Variants in ARFGEF3 observed in about 807,000 individuals in gnomAD.
ARFGEF3 encodes brefeldin A-inhibited guanine nucleotide-exchange protein 3.
In ARFGEF3, 96 loss-of-function variants were observed where a neutral mutation model predicts 221.7. The ratio of observed to expected loss-of-function variants is 0.43; its 90% CI spans 0.37 to 0.51. The LOEUF is 0.51. Ranked by LOEUF, ARFGEF3 falls within the 20% of genes least tolerant of loss-of-function variation. The probability of loss-of-function intolerance (pLI) is 0.00; values close to 1 mark genes in which losing one functional copy is unlikely to be tolerated. For missense variants in ARFGEF3, 2,410 were observed against 2,789.9 expected, an observed-to-expected ratio of 0.86 and a Z score of 3.07; for synonymous variants, 1,145 against 1,126.8, an observed-to-expected ratio of 1.02 and a Z score of -0.32.
intron 9 of ARFGEF3, among the ~76,000 whole-genome samples, chr6:138,254,901 A>G (rs562671674): frequency 1.3e-5 from 2 of 152,278 alleles, no homozygotes; most frequent in Non-Finnish European, 2.9e-5. Context: ...TTCAAAAAGC[A>G]TGTAACTTAT....
intron 4 of ARFGEF3, chr6:138,218,031 C>T (rs754979359): frequency 2.5e-6 from 4 of 1,611,322 alleles, no homozygotes; most frequent in Non-Finnish European, 3.4e-6. Context: ...GTAGAGAAGA[C>T]AGCATTCCAG....
intron 5 of ARFGEF3, among the ~76,000 whole-genome samples, chr6:138,233,339 T>C (rs1373201334): frequency 6.6e-6 from 1 of 151,876 alleles, no homozygotes; most frequent in African/African-American, 2.4e-5. Context: ...ATTTTTTAGA[T>C]TGGGCTGGTT....
intron 27 of ARFGEF3, among the ~76,000 whole-genome samples, chr6:138,318,004 A>T (rs909759949): frequency 2.6e-5 from 4 of 152,200 alleles, no homozygotes; most frequent in Non-Finnish European, 5.9e-5. Flanking sequence ...CTCAAGATCA[A>T]AGAAACTTTT....
chr6:138,192,943 A>G (rs1212697120), intron 2 of ARFGEF3, among the ~76,000 whole-genome samples: 2 of 152,064 alleles, frequency 1.3e-5, no homozygotes, highest in African/African-American at 4.8e-5. Context: ...TTTTCTATCC[A>G]TTTGCTACAT....
In ARFGEF3 at chr6:138,334,534, T is replaced by C. The variant is rs1780285552; in HGVS notation, c.5688T>C (p.Asp1896=). ...GCGTCCAGCCTGTCAGCAACGCAGA[T>C]TGGGTGTGGCTGGTCAAGAGGCTGC... The part of the protein sequence containing the change: ...LLSVQPVSNA[D]WVWLVKRLHK... Residue 1896 remains aspartate (D), a synonymous_variant, in exon 33 of 34, where the codon GAT becomes GAC. Coordinates refer to ENST00000251691, the MANE Select transcript of ARFGEF3 (RefSeq NM_020340.5). This position sits in a 1 kb window ranked among gnomAD's most constrained non-coding sequence, Gnocchi z 5.1. 9 of 1,611,718 alleles carry C rather than the reference T, an allele frequency of 5.6e-6. No individual in the cohort carries two copies. Among genetic ancestry groups the C allele is most frequent in the Middle Eastern group, 1.6e-4 (1 of 6,062 alleles).
At chr6:138,205,542 G>A (rs1334603020) in intron 2 of ARFGEF3, among the ~76,000 whole-genome samples, 1 of 152,072 alleles carries the variant, frequency 6.6e-6, no homozygotes, top group Non-Finnish European at 1.5e-5. Flanking sequence ...ATTGCATAAA[G>A]GAAACAAAAT....
intron 2 of ARFGEF3, among the ~76,000 whole-genome samples, chr6:138,180,056 T>TC (rs1777047176): frequency 6.6e-6 from 1 of 152,216 alleles, no homozygotes; most frequent in Non-Finnish European, 1.5e-5. Flanking sequence ...CAAGCGATCC[T>TC]CCCACCTTAG....
chr6:138,278,383 T>C (rs1779135501), intron 12 of ARFGEF3, 68 bp from the exon 13 acceptor site: 2 of 1,462,926 alleles, frequency 1.4e-6, no homozygotes, highest in African/African-American at 2.8e-5. Flanking sequence ...GGTTCGCAGC[T>C]CTCTGGAAGC....
intron 4 of ARFGEF3, among the ~76,000 whole-genome samples, chr6:138,213,224 C>T (rs929366927): frequency 6.7e-6 from 1 of 148,650 alleles, no homozygotes; most frequent in Non-Finnish European, 1.5e-5. Context: ...GGAGGCAGAG[C>T]TTATAGTGAG....
chr6:138,190,776 C>T (rs1470661471), intron 2 of ARFGEF3, among the ~76,000 whole-genome samples: 2 of 152,142 alleles, frequency 1.3e-5, no homozygotes, highest in Admixed American at 6.5e-5. Context: ...GTGTGAAGAA[C>T]ATAGGAAAAC....
intron 1 of ARFGEF3, among the ~76,000 whole-genome samples, chr6:138,164,419 C>A (rs1263747956): frequency 6.6e-5 from 10 of 152,152 alleles, no homozygotes; most frequent in Admixed American, 6.5e-4. Flanking sequence ...GTAGGGAATT[C>A]CCTTTTCAGA....
At chr6:138,286,190 C>T in intron 15 of ARFGEF3, 137 bp downstream of exon 15, 1 of 618,254 alleles carries the variant, frequency 1.6e-6, no homozygotes, top group Non-Finnish European at 2.9e-6. Context: ...GTGGCTCACG[C>T]CTGTAATCCC....
At chr6:138,313,542 A>G (rs1314166762) in intron 25 of ARFGEF3, among the ~76,000 whole-genome samples, 1 of 152,218 alleles carries the variant, frequency 6.6e-6, no homozygotes, top group African/African-American at 2.4e-5. Flanking sequence ...TGTAATTAAG[A>G]TACTGAACAA....
rs377565160 is a variant in ARFGEF3, at chr6:138,270,457, CACACACAT to C, written c.2128+6848_2128+6855del. The stretch of plus-strand genomic sequence containing the variant: ...ACACACACACACACACACACACACA[CACACACAT>C]ATATATATCTGGGCTCTAGCCATTT... On this transcript the variant is annotated intron_variant, in intron 12 of 33. Coordinates refer to ENST00000251691, the MANE Select transcript of ARFGEF3 (RefSeq NM_020340.5). Among the ~76,000 whole-genome samples the C allele has an allele frequency of 3.9e-3, 515 of 132,186 alleles. 6 individuals carry two copies. Among genetic ancestry groups the C allele is most frequent in the African/African-American group, 0.022 (501 of 23,090 alleles). 86.7% of individuals were successfully genotyped at this position (132,186 alleles called of 152,430 possible).
intron 25 of ARFGEF3, 139 bp from the exon 26 acceptor site, chr6:138,313,656 A>T: frequency 1.4e-6 from 1 of 723,312 alleles, no homozygotes; most frequent in Non-Finnish European, 2.2e-6. Flanking sequence ...TTATAAATCC[A>T]AATCACGAAT....
At chr6:138,179,230 G>C (rs1239588360) in intron 2 of ARFGEF3, among the ~76,000 whole-genome samples, 1 of 152,146 alleles carries the variant, frequency 6.6e-6, no homozygotes, top group Non-Finnish European at 1.5e-5. Flanking sequence ...AACAGTACTG[G>C]TCCAGATGAA....
intron 4 of ARFGEF3, among the ~76,000 whole-genome samples, chr6:138,212,985 G>A (rs987758310): frequency 6.6e-6 from 1 of 151,898 alleles, no homozygotes; most frequent in Non-Finnish European, 1.5e-5. Context: ...AATTGTGTAC[G>A]TGTACCCTAG....
rs1779168995 is a variant in ARFGEF3, at chr6:138,280,072, A to G, written c.2369A>G (p.Tyr790Cys). The G allele has an allele frequency of 6.2e-7, 1 of 1,613,764 alleles. No homozygotes were observed. Among genetic ancestry groups the G allele is most frequent in the Non-Finnish European group, 8.5e-7 (1 of 1,179,816 alleles). Reference sequence around the variant, plus strand: ...TCTCAGGCCTGGATTGAGGAGCTCTACCATCAGGTGCTCGACAGGAACATG... The same window carrying G: ...TCTCAGGCCTGGATTGAGGAGCTCTGCCATCAGGTGCTCGACAGGAACATG... ...VFSQAWIEEL[Y>C]HQVLDRNMLG... Residue 790 changes from tyrosine (Y) to cysteine (C), a missense_variant, in exon 14 of 34, where the codon TAC becomes TGC. Tyr to Cys is a radical substitution (Grantham distance 194, BLOSUM62 -2). Around this residue, in one of 5 missense-constraint regions of ARFGEF3, gnomAD observed 594 missense variants for 734.3 expected, o/e 0.81. Coordinates refer to ENST00000251691, the MANE Select transcript of ARFGEF3 (RefSeq NM_020340.5).
In ARFGEF3 at chr6:138,170,723, G is replaced by T. The variant is rs1386822440; in HGVS notation, c.137+10G>T. On this transcript the variant is annotated intron_variant, in intron 2 of 33. Coordinates refer to ENST00000251691, the MANE Select transcript of ARFGEF3 (RefSeq NM_020340.5). ...CTCCACATGTACTGAGGTAGGAGAT[G>T]GACATTGTATAATATCACAGAAGTC... The T allele has an allele frequency of 2.0e-6, 3 of 1,516,472 alleles. No individual in the cohort carries two copies. The South Asian group carries it at 3.4e-5, about 17-fold the overall frequency. The allele number at this position is 1,516,472 out of a possible 1,614,324, so 93.9% of individuals were successfully genotyped here.
Sources: gnomAD v4.1 joint callset for allele counts (sites outside exome capture counted in the v4.1 genomes callset) on GRCh38, gnomAD v4.1.1 for gene constraint, gnomAD v4.1.1 regional missense constraint, Gnocchi (gnomAD v3.1) non-coding constraint, MANE v1.5 for transcripts, NCBI Gene and HGNC (gene_info 2026-07-23, HGNC 2026-07-21) for gene names.